Variants in ATAD5 observed in about 807,000 individuals in gnomAD.
The protein encoded by ATAD5 is ATPase family AAA domain-containing protein 5.
In ATAD5, 58 loss-of-function variants were observed where a neutral mutation model predicts 176.9. That is an observed-to-expected ratio of 0.33 (90% CI 0.27 to 0.41). The LOEUF (loss-of-function observed/expected upper bound fraction) is 0.41, where lower values mean the gene tolerates loss of function less well. ATAD5 is among the 10% of genes least tolerant of loss of function. The pLI, the probability that ATAD5 is intolerant of heterozygous loss-of-function variation, is 1.00. For synonymous variants in ATAD5, 640 were observed against 712.6 expected (o/e 0.90, Z 1.62); for missense variants, 1,789 against 2,094.1 (o/e 0.85, Z 2.84).
At chr17:30,883,733 T>C (rs767558512) in intron 18 of ATAD5, among the ~76,000 whole-genome samples, 81 of 151,574 alleles carry the variant, frequency 5.3e-4, no homozygotes, top group Middle Eastern at 3.4e-3. Context: ...TATTTTTTAG[T>C]AGAGATGGGG....
intron 6 of ATAD5, among the ~76,000 whole-genome samples, chr17:30,850,839 A>T (rs1185950864): frequency 3.3e-4 from 3 of 9,192 alleles, no homozygotes; most frequent in South Asian, 4.8e-3. Flanking sequence ...ATTTTTATAT[A>T]TATATATATA....
chr17:30,872,970 T>G (rs1908428235), intron 14 of ATAD5, among the ~76,000 whole-genome samples: 2 of 152,210 alleles, frequency 1.3e-5, no homozygotes, highest in Admixed American at 6.5e-5. Context: ...TCACCTTATT[T>G]GTTTTTATAT....
chr17:30,873,567 C>T (rs1406706184), intron 14 of ATAD5, among the ~76,000 whole-genome samples: 1 of 151,970 alleles, frequency 6.6e-6, no homozygotes, highest in African/African-American at 2.4e-5. Context: ...ATCCATCTGC[C>T]TTGGATTCTT....
At chr17:30,868,572 A>G (rs1460059354) in intron 12 of ATAD5, among the ~76,000 whole-genome samples, 160 bp downstream of exon 12, 1 of 149,224 alleles carries the variant, frequency 6.7e-6, no homozygotes, top group Non-Finnish European at 1.5e-5. Flanking sequence ...CAGTGGCGCA[A>G]TCTCGGCTCA....
intron 8 of ATAD5, among the ~76,000 whole-genome samples, 193 bp downstream of exon 8, chr17:30,857,305 G>A (rs1362798740): frequency 6.6e-6 from 1 of 151,334 alleles, no homozygotes; most frequent in Non-Finnish European, 1.5e-5. Context: ...TGCAACCTCT[G>A]CTTCCCGAGT....
chr17:30,882,196 TG>T (rs1253201532), intron 18 of ATAD5, among the ~76,000 whole-genome samples: 1 of 148,714 alleles, frequency 6.7e-6, no homozygotes, highest in Non-Finnish European at 1.5e-5. Flanking sequence ...GCAGAGGTTG[TG>T]GTGAGCCAAG....
rs1597963905 is a variant in ATAD5 at position 30,850,422 on chromosome 17, G to A, written c.2451-4721G>A. Among the ~76,000 whole-genome samples the A allele has an allele frequency of 2.0e-5, 3 of 147,440 alleles. No homozygotes were observed. The South Asian group carries it at 6.5e-4, about 32-fold the overall frequency. On this transcript the variant is annotated intron_variant, in intron 6 of 22. Coordinates refer to ENST00000321990, the MANE Select transcript of ATAD5 (RefSeq NM_024857.5). ...GTTGCCCAGGCTGGAGTGCAGTGGT[G>A]TGCTCACAGCTCACTGCAGCCTCAA...
At chr17:30,894,489 C>A in intron 21 of ATAD5, 75 bp from the exon 22 acceptor site, 1 of 1,442,412 alleles carries the variant, frequency 6.9e-7, no homozygotes, top group Non-Finnish European at 9.4e-7. Context: ...GGCAAGGAAA[C>A]TAAACTGGTT....
Position 30,893,954 on chromosome 17 carries a change from A to G in ATAD5, c.5101A>G (p.Thr1701Ala), listed in dbSNP as rs752332315. ...EFSLESNDGW[T>A]SQSSGELKAA... ...TAGTCTTGAGAGTAATGATGGATGG[A>G]CTTCTCAAAGCTCTGGAGAATTAAA... Residue 1701 changes from threonine (T) to alanine (A), a missense_variant, in exon 21 of 23, where the codon ACT becomes GCT. Thr to Ala is a moderately conservative substitution (Grantham distance 58). This residue lies in a region of ATAD5 where 403 missense variants were observed against 495.1 expected (regional missense o/e 0.81). Coordinates refer to ENST00000321990, the MANE Select transcript of ATAD5 (RefSeq NM_024857.5). The G allele has an allele frequency of 3.5e-5, 57 of 1,613,974 alleles. No individual in the cohort carries two copies. The highest frequency in any genetic ancestry group is 4.7e-5 in the Non-Finnish European group (56 of 1,179,954).
intron 14 of ATAD5, among the ~76,000 whole-genome samples, chr17:30,872,854 C>T (rs1372510429): frequency 6.6e-6 from 1 of 152,142 alleles, no homozygotes; most frequent in East Asian, 1.9e-4. Flanking sequence ...CTGCACCCAG[C>T]CAACCTCCTC....
chr17:30,882,392 T>C (rs1909080517), intron 18 of ATAD5, among the ~76,000 whole-genome samples: 3 of 152,036 alleles, frequency 2.0e-5, no homozygotes, highest in Admixed American at 2.0e-4. Context: ...GGCGAAATCC[T>C]GTCTCTACAA....
intron 1 of ATAD5, 77 bp downstream of exon 1, chr17:30,832,490 T>C (rs1597945358): frequency 2.2e-6 from 3 of 1,368,660 alleles, no homozygotes; most frequent in Non-Finnish European, 2.9e-6. Context: ...TGGCGGAAGG[T>C]GATCCTGACT....
intron 6 of ATAD5, among the ~76,000 whole-genome samples, chr17:30,846,335 A>G (rs532155740): frequency 5.3e-5 from 8 of 152,218 alleles, no homozygotes; most frequent in Middle Eastern, 3.4e-3. Context: ...TTTTAAATCA[A>G]CTTCATTCAG....
rs1279198549 is a variant in ATAD5, at chr17:30,893,750, A to G, written c.4897A>G (p.Thr1633Ala). The G allele has an allele frequency of 1.2e-5, 19 of 1,613,864 alleles. No individual in the cohort carries two copies. In the South Asian group the frequency reaches 2.0e-4, roughly 17 times the overall value. ...ATCTATTCCTTGTCCTCCTAAAACA[A>G]CTGCAGGAAAAAAATGTTCTGCCCT... is the stretch of plus-strand genomic sequence containing the variant. ...KKSIPCPPKTTAGKKCSALVS... is the reference protein window; with the variant it reads ...KKSIPCPPKTAAGKKCSALVS... The change falls in exon 21 of 23, where the codon ACT becomes GCT. Residue 1633 changes from threonine (T) to alanine (A), a missense_variant. By Grantham distance (58) the Thr-to-Ala change is moderately conservative. Transcript: ENST00000321990.
At chr17:30,860,312 C>CT in intron 9 of ATAD5, 121 bp from the exon 10 acceptor site, 1 of 1,162,474 alleles carries the variant, frequency 8.6e-7, no homozygotes, top group Non-Finnish European at 1.2e-6. Context: ...GCCTGAGCCA[C>CT]TGCACCTGGA....
At chr17:30,875,153 G>A (rs778826543) in intron 14 of ATAD5, among the ~76,000 whole-genome samples, 1 of 152,120 alleles carries the variant, frequency 6.6e-6, no homozygotes, top group Admixed American at 6.6e-5. Flanking sequence ...GAGATGGTAT[G>A]TGAGGAAGAT....
intron 6 of ATAD5, among the ~76,000 whole-genome samples, chr17:30,853,728 A>AT (rs1464900898): frequency 6.6e-6 from 1 of 151,880 alleles, no homozygotes; most frequent in Non-Finnish European, 1.5e-5. Context: ...CCAACCTCCC[A>AT]TTCTCCCCAC....
intron 18 of ATAD5, among the ~76,000 whole-genome samples, chr17:30,879,784 G>A (rs1401603861): frequency 6.6e-6 from 1 of 151,934 alleles, no homozygotes; most frequent in Admixed American, 6.6e-5. Context: ...GGATGGTCTT[G>A]ATTTCCTGAC....
At chr17:30,872,704 C>T (rs1046328706) in intron 14 of ATAD5, among the ~76,000 whole-genome samples, 3 of 151,838 alleles carry the variant, frequency 2.0e-5, no homozygotes, top group Admixed American at 6.6e-5. Context: ...TACAGGCGCT[C>T]GCCATCACGC....
Sources: allele counts gnomAD v4.1 joint callset (sites outside exome capture counted in the v4.1 genomes callset), GRCh38; gene constraint gnomAD v4.1.1; regional missense constraint gnomAD v4.1.1; transcripts MANE v1.5; gene names NCBI Gene and HGNC (gene_info 2026-07-23, HGNC 2026-07-21).